LINGO2: variants seen among roughly 807,000 people sequenced by gnomAD.
The protein encoded by LINGO2 is leucine rich repeat and Ig domain containing 2, also known as leucine-rich repeat and immunoglobulin-like domain-containing nogo receptor-interacting protein 2.
Under a neutral mutation model 30.6 loss-of-function variants are expected in LINGO2, and 14 were observed. The observed-to-expected ratio is 0.46, with a 90% CI of 0.30 to 0.72. The LOEUF (loss-of-function observed/expected upper bound fraction) is 0.72, where lower values mean the gene tolerates loss of function less well. Among genes scored for constraint, LINGO2 ranks in the 30% least tolerant of loss-of-function variants. The probability of loss-of-function intolerance (pLI) is 0.07; values close to 1 mark genes in which losing one functional copy is unlikely to be tolerated. For synonymous variants in LINGO2, 317 were observed against 288.5 expected (o/e 1.10, Z -1.00); for missense variants, 729 against 751.7 (o/e 0.97, Z 0.35).
At chr9:28,967,703 T>C in the LINGO2 span, among the ~76,000 whole-genome samples, 6 of 152,312 alleles carry the variant, frequency 3.9e-5, no homozygotes, top group African/African-American at 1.4e-4. Context: ...TTATAATTCA[T>C]CAACATAGTC....
At chr9:28,991,407 A>T in the LINGO2 span, among the ~76,000 whole-genome samples, 1 of 151,248 alleles carries the variant, frequency 6.6e-6, no homozygotes, top group East Asian at 1.9e-4. Flanking sequence ...CCTGAAACTG[A>T]TGGGGAGAAT....
intron 4 of LINGO2, among the ~76,000 whole-genome samples, chr9:28,055,033 A>G (rs1250924815): frequency 1.1e-5 from 1 of 92,856 alleles, no homozygotes. Context: ...ACAAACTTGC[A>G]AAAAAAATAT....
intron 4 of LINGO2, among the ~76,000 whole-genome samples, chr9:28,154,187 G>A (rs1470991005): frequency 6.6e-6 from 1 of 152,008 alleles, no homozygotes; most frequent in Non-Finnish European, 1.5e-5. Context: ...GTTGGATGAG[G>A]GAATCCACAT....
intron 2 of LINGO2, among the ~76,000 whole-genome samples, chr9:28,452,818 C>T (rs766205332): frequency 1.3e-5 from 2 of 151,604 alleles, no homozygotes; most frequent in African/African-American, 4.8e-5. Flanking sequence ...GGTAAGAGCC[C>T]AGAGGTGTGG....
At chr9:28,701,238 A>T in the LINGO2 span, among the ~76,000 whole-genome samples, 2 of 151,998 alleles carry the variant, frequency 1.3e-5, 1 homozygote. Context: ...GCCATACCCA[A>T]TTATATATAA....
chr9:28,066,371 A>G (rs1194837417), intron 4 of LINGO2, among the ~76,000 whole-genome samples: 4 of 152,144 alleles, frequency 2.6e-5, no homozygotes, highest in Admixed American at 2.6e-4. Flanking sequence ...TAGCATGATT[A>G]TTAAATCTAT....
At chr9:29,060,945 T>C in the LINGO2 span, among the ~76,000 whole-genome samples, 394 of 151,906 alleles carry the variant, frequency 2.6e-3, 1 homozygote, top group Admixed American at 6.0e-3. Context: ...ATAGGTAAAA[T>C]AGATTACAGC....
chr9:28,220,168 T>C (rs888538725), intron 4 of LINGO2, among the ~76,000 whole-genome samples: 2 of 152,176 alleles, frequency 1.3e-5, no homozygotes, highest in Non-Finnish European at 2.9e-5. Context: ...CCATTTCATA[T>C]AAGGGACTAG....
chr9:27,940,045 ACT>A, the LINGO2 span: 1 of 152,100 alleles, frequency 6.6e-6, no homozygotes, highest in African/African-American at 2.4e-5. Flanking sequence ...TGAGACCCTG[ACT>A]CTGGTGATTC....
chr9:28,467,929 A>T (rs890396155), intron 2 of LINGO2, among the ~76,000 whole-genome samples: 3 of 152,192 alleles, frequency 2.0e-5, no homozygotes, highest in African/African-American at 7.2e-5. Flanking sequence ...TGCTGAAATC[A>T]TATATCAAAA....
chr9:28,104,134 C>T (rs1363253406), intron 4 of LINGO2, among the ~76,000 whole-genome samples: 1 of 151,928 alleles, frequency 6.6e-6, no homozygotes, highest in African/African-American at 2.4e-5. Flanking sequence ...GACTCCTTGT[C>T]CCCTACTCCT....
the LINGO2 span, among the ~76,000 whole-genome samples, chr9:28,825,365 T>G: frequency 6.6e-6 from 1 of 151,744 alleles, no homozygotes; most frequent in Non-Finnish European, 1.5e-5. Flanking sequence ...GAGTGGTAAT[T>G]GGAAGTCTGT....
At chr9:28,272,978 C>T (rs1224514974) in intron 4 of LINGO2, among the ~76,000 whole-genome samples, 3 of 152,154 alleles carry the variant, frequency 2.0e-5, no homozygotes, top group African/African-American at 7.2e-5. Flanking sequence ...GAATAAAGCT[C>T]CCAGCTCATT....
chr9:28,275,718 A>T (rs934979024), intron 4 of LINGO2, among the ~76,000 whole-genome samples: 12 of 152,220 alleles, frequency 7.9e-5, no homozygotes, highest in African/African-American at 1.4e-4. Context: ...ATGTTCAAGA[A>T]CTACCAGGTA....
chr9:28,672,550 T>C (rs1829063012), upstream of LINGO2, among the ~76,000 whole-genome samples: 1 of 152,176 alleles, frequency 6.6e-6, no homozygotes, highest in African/African-American at 2.4e-5. Context: ...TCTTAAATTA[T>C]AAGTTGTATG....
the LINGO2 span, among the ~76,000 whole-genome samples, chr9:29,038,728 A>G: frequency 6.6e-6 from 1 of 151,440 alleles, no homozygotes; most frequent in East Asian, 1.9e-4. Flanking sequence ...GGTCTTTAGG[A>G]TTAACATCTT....
chr9:28,364,007 G>C (rs1214560833), intron 3 of LINGO2, among the ~76,000 whole-genome samples: 1 of 151,290 alleles, frequency 6.6e-6, no homozygotes, highest in East Asian at 1.9e-4. Flanking sequence ...TGTATTTTCT[G>C]TATTCGCTTT....
At chr9:29,095,195 TA>T in the LINGO2 span, among the ~76,000 whole-genome samples, 3 of 138,510 alleles carry the variant, frequency 2.2e-5, no homozygotes, top group African/African-American at 8.1e-5. Flanking sequence ...TATACTTTGA[TA>T]AATGTTTGCA....
At chr9:28,807,497 A>T in the LINGO2 span, among the ~76,000 whole-genome samples, 13 of 152,184 alleles carry the variant, frequency 8.5e-5, no homozygotes, top group African/African-American at 2.9e-4. Flanking sequence ...AGCCTCTTGG[A>T]GAGCATCTGG....
Sources: gnomAD v4.1 joint callset for allele counts (sites outside exome capture counted in the v4.1 genomes callset) on GRCh38, gnomAD v4.1.1 for gene constraint, MANE v1.5 for transcripts, NCBI Gene and HGNC (gene_info 2026-07-23, HGNC 2026-07-21) for gene names.